PRR5L: variants seen among roughly 807,000 people sequenced by gnomAD.
The protein encoded by PRR5L is proline rich 5 like, also known as proline-rich protein 5-like.
A neutral mutation model predicts 36.4 loss-of-function variants in PRR5L; 21 were observed. The observed-to-expected ratio is 0.58, with a 90% CI of 0.41 to 0.83. The LOEUF (loss-of-function observed/expected upper bound fraction) is 0.83, where lower values mean the gene tolerates loss of function less well. Ranked by LOEUF, PRR5L falls within the 40% of genes least tolerant of loss-of-function variation. The probability of loss-of-function intolerance (pLI) is 0.00; values close to 1 mark genes in which losing one functional copy is unlikely to be tolerated. For synonymous variants in PRR5L, 188 were observed against 197.0 expected (o/e 0.95, Z 0.38); for missense variants, 381 against 473.3 (o/e 0.80, Z 1.81).
At chr11:36,444,032 G>T (rs914032690) in intron 6 of PRR5L, among the ~76,000 whole-genome samples, 1 of 152,142 alleles carries the variant, frequency 6.6e-6, no homozygotes, top group African/African-American at 2.4e-5. Context: ...ATTTTCCTTT[G>T]CAGGAGAATA....
intron 3 of PRR5L, among the ~76,000 whole-genome samples, chr11:36,407,948 G>A (rs1307621287): frequency 6.6e-6 from 1 of 152,106 alleles, no homozygotes; most frequent in African/African-American, 2.4e-5. Flanking sequence ...ACACAGTATT[G>A]GATCCAAAGA....
chr11:36,321,837 GC>G (rs34687494), intron 1 of PRR5L, among the ~76,000 whole-genome samples: 1,711 of 152,246 alleles, frequency 0.011, 20 homozygotes, highest in Non-Finnish European at 0.015. Flanking sequence ...CTCTTCCTTG[GC>G]TAGTAGATGG....
intron 1 of PRR5L, among the ~76,000 whole-genome samples, chr11:36,345,781 T>C (rs1018463716): frequency 6.6e-6 from 1 of 152,164 alleles, no homozygotes; most frequent in Admixed American, 6.5e-5. Flanking sequence ...GTAGGTCAGG[T>C]AACAGCAGAT....
chr11:36,355,974 C>T (rs1565412678), intron 1 of PRR5L, among the ~76,000 whole-genome samples: 1 of 151,852 alleles, frequency 6.6e-6, no homozygotes, highest in Non-Finnish European at 1.5e-5. Context: ...AGTGCAGTGG[C>T]ACAAACAGCT....
chr11:36,414,507 C>CT (rs1295781784), intron 3 of PRR5L, among the ~76,000 whole-genome samples: 1 of 147,036 alleles, frequency 6.8e-6, no homozygotes, highest in Admixed American at 6.7e-5. Context: ...GCATAAATGT[C>CT]TTCTTTTGAG....
At chr11:36,453,866 G>A (rs560587936) in intron 8 of PRR5L, 20 of 152,480 alleles carry the variant, frequency 1.3e-4, no homozygotes, top group African/African-American at 4.8e-4. Context: ...AGTAAACAGA[G>A]AGGGATGACT....
At chr11:36,402,010 A>G (rs541978454) in intron 2 of PRR5L, among the ~76,000 whole-genome samples, 8 of 152,348 alleles carry the variant, frequency 5.3e-5, no homozygotes, top group Admixed American at 1.3e-4. Context: ...GCATAAACCC[A>G]AGATTATGAA....
chr11:36,326,315 A>ACG (rs1032299563), intron 1 of PRR5L, among the ~76,000 whole-genome samples: 3 of 150,368 alleles, frequency 2.0e-5, no homozygotes, highest in Admixed American at 6.6e-5. Flanking sequence ...ACACACACAC[A>ACG]CACACACACA....
chr11:36,438,328 A>T (rs1173748991), intron 6 of PRR5L, among the ~76,000 whole-genome samples: 1 of 152,000 alleles, frequency 6.6e-6, no homozygotes, highest in Non-Finnish European at 1.5e-5. Flanking sequence ...GTATTGTTGA[A>T]GTGTGGGCGT....
rs574119042 is a variant in PRR5L at position 36,446,565 on chromosome 11, G to T, written c.585+125G>T. On this transcript the variant is annotated intron_variant, in intron 7 of 8. Coordinates refer to ENST00000530639, the MANE Select transcript of PRR5L (RefSeq NM_001160167.2). ...CCTTAGCTTGGCTTACTACTATTTA[G>T]TTTGTTGGCCCGTGTTCATTCATTC... The T allele has an allele frequency of 2.6e-6, 3 of 1,151,350 alleles. No individual in the cohort carries two copies. In the Admixed American group the frequency reaches 7.2e-5, roughly 28 times the overall value. 71.3% of individuals were successfully genotyped at this position (1,151,350 alleles called of 1,614,324 possible).
At position 36,464,493 on chromosome 11, in the gene PRR5L, A is replaced by AGATCTGCT. The variant is rs748792021; in HGVS notation, c.*1768_*1775dup. The AGATCTGCT allele has an allele frequency of 6.6e-6, 1 of 152,250 alleles. No homozygotes were observed. The highest frequency in any genetic ancestry group is 1.5e-5 in the Non-Finnish European group (1 of 68,046). The allele number at this position is 152,250 out of a possible 1,614,324, so 9.4% of individuals were successfully genotyped here. On this transcript the variant is annotated 3_prime_UTR_variant, in exon 9 of 9. Transcript: ENST00000530639. Reference sequence around the variant, plus strand: ...GTGATGGGAGAGAAATGTCCAAAAGAGATCTGCTGATCTGCTGAGAGTTTC... The same window carrying AGATCTGCT: ...GTGATGGGAGAGAAATGTCCAAAAGAGATCTGCTGATCTGCTGATCTGCTGAGAGTTTC...
chr11:36,331,411 G>C lies in PRR5L; in HGVS notation c.-126+34973G>C, dbSNP rs568107655. 5.3e-5 allele frequency among the ~76,000 whole-genome samples: 8 copies of C among 152,226 alleles called. No homozygotes were observed. In the South Asian group the frequency reaches 1.0e-3, roughly 20 times the overall value. ...ATGTCAAAAAGTTTGAACACTTGAT[G>C]AAATAGAATCATAGGTCATTTAGAA... On this transcript the variant is annotated intron_variant, in intron 1 of 8. Coordinates refer to ENST00000530639, the MANE Select transcript of PRR5L (RefSeq NM_001160167.2).
At chr11:36,336,389 C>T (rs1280134112) in intron 1 of PRR5L, among the ~76,000 whole-genome samples, 4 of 151,988 alleles carry the variant, frequency 2.6e-5, no homozygotes, top group African/African-American at 7.2e-5. Flanking sequence ...ACCATCACAC[C>T]CGGCTAATTT....
At chr11:36,373,384 T>C (rs930484337) in intron 1 of PRR5L, among the ~76,000 whole-genome samples, 1 of 152,122 alleles carries the variant, frequency 6.6e-6, no homozygotes, top group Non-Finnish European at 1.5e-5. Context: ...GCATCATATA[T>C]TGGCATTAAT....
intron 1 of PRR5L, among the ~76,000 whole-genome samples, chr11:36,369,120 A>C (rs1857173099): frequency 6.6e-6 from 1 of 152,198 alleles, no homozygotes; most frequent in Admixed American, 6.5e-5. Flanking sequence ...GGATGGATAA[A>C]AGCACGTGGT....
At chr11:36,439,654 T>A (rs572552361) in intron 6 of PRR5L, among the ~76,000 whole-genome samples, 1 of 152,166 alleles carries the variant, frequency 6.6e-6, no homozygotes, top group Non-Finnish European at 1.5e-5. Flanking sequence ...ACAGGGAATA[T>A]TCCGGGGAGG....
At chr11:36,360,063 A>G (rs774693441) in intron 1 of PRR5L, among the ~76,000 whole-genome samples, 14 of 89,520 alleles carry the variant, frequency 1.6e-4, no homozygotes, top group Non-Finnish European at 2.7e-4. Flanking sequence ...ACACACACAC[A>G]TACACACACA....
intron 8 of PRR5L, among the ~76,000 whole-genome samples, chr11:36,452,234 G>A (rs11600757): frequency 0.13 from 19,611 of 152,190 alleles, 1,526 homozygotes; most frequent in Non-Finnish European, 0.16. Flanking sequence ...GGCCAGGGGA[G>A]CCAGCACCCA....
At chr11:36,360,107 C>A (rs945624619) in intron 1 of PRR5L, among the ~76,000 whole-genome samples, 3 of 151,238 alleles carry the variant, frequency 2.0e-5, no homozygotes, top group Non-Finnish European at 2.9e-5. Flanking sequence ...ACACACAAAA[C>A]AGAAAACTTA....
Sources: gnomAD v4.1 joint callset for allele counts (sites outside exome capture counted in the v4.1 genomes callset) on GRCh38, gnomAD v4.1.1 for gene constraint, MANE v1.5 for transcripts, NCBI Gene and HGNC (gene_info 2026-07-23, HGNC 2026-07-21) for gene names.